GPR161: variants seen among roughly 807,000 people sequenced by gnomAD.
GPR161 encodes the protein G protein-coupled receptor 161.
In GPR161, 25 loss-of-function variants were observed where a neutral mutation model predicts 39.2. The ratio of observed to expected loss-of-function variants is 0.64; its 90% CI spans 0.47 to 0.89. GPR161 has a LOEUF of 0.89. Ranked by LOEUF, GPR161 falls within the 40% of genes least tolerant of loss-of-function variation. The pLI, the probability that GPR161 is intolerant of heterozygous loss-of-function variation, is 0.00. For missense variants in GPR161, 547 were observed against 677.8 expected (o/e 0.81, Z 2.14); for synonymous variants, 286 against 276.6 (o/e 1.03, Z -0.34).
chr1:168,136,543 AAG>A, intron 1 of GPR161, 194 bp downstream of exon 1: 1 of 1,218,220 alleles, frequency 8.2e-7, no homozygotes, highest in Non-Finnish European at 1.0e-6. Context: ...CAGCTCTCCA[AAG>A]CAAGGCGCAG....
At chr1:168,132,310 G>C (rs566749526) in intron 1 of GPR161, among the ~76,000 whole-genome samples, 13 of 151,032 alleles carry the variant, frequency 8.6e-5, no homozygotes, top group African/African-American at 2.4e-4. Context: ...TCTCCAAGCC[G>C]GGCGCTGTGG....
At chr1:168,110,367 G>GT (rs1271608137) in intron 1 of GPR161, among the ~76,000 whole-genome samples, 1 of 151,742 alleles carries the variant, frequency 6.6e-6, no homozygotes, top group East Asian at 1.9e-4. Context: ...TTGGTGGTGT[G>GT]TGCCTGTAGT....
chr1:168,085,135 G>C lies in GPR161; in HGVS notation c.*396C>G, dbSNP rs1323099593. 3 of 459,382 alleles carry C rather than the reference G, an allele frequency of 6.5e-6. No homozygotes were observed. Among genetic ancestry groups the C allele is most frequent in the Non-Finnish European group, 1.3e-5 (3 of 229,978 alleles). 28.5% of individuals were successfully genotyped at this position (459,382 alleles called of 1,614,324 possible). A position where few individuals can be genotyped will look rare whatever the true frequency, so the allele number is the denominator to read the frequency against. On this transcript the variant is annotated 3_prime_UTR_variant, in exon 6 of 6. Coordinates refer to ENST00000682931, the MANE Select transcript of GPR161 (RefSeq NM_001375883.1). ...TCCTGAGGCATCTGGCACAGTGCAC[G>C]GCTGGACTCCCAGCACACTGTGAAG...
At chr1:168,130,800 G>A (rs892444553) in intron 1 of GPR161, among the ~76,000 whole-genome samples, 4 of 152,048 alleles carry the variant, frequency 2.6e-5, no homozygotes, top group African/African-American at 9.7e-5. Context: ...TGTACAAAAT[G>A]GAATTCACAT....
chr1:168,085,359 T>C lies in GPR161; in HGVS notation c.*172A>G. On this transcript the variant is annotated 3_prime_UTR_variant, in exon 6 of 6. Transcript: ENST00000682931. ...CTGGAAATGCTGAAGCTGTGGACTG[T>C]AGACATTATTTTCAGTCCTTGTCCT... 1.6e-6 allele frequency: 1 copy of C among 626,478 alleles called. No homozygotes were observed. Among genetic ancestry groups the C allele is most frequent in the East Asian group, 2.7e-5 (1 of 36,754 alleles). 38.8% of individuals were successfully genotyped at this position (626,478 alleles called of 1,614,324 possible).
rs150446871 is a variant in GPR161 at position 168,084,945 on chromosome 1, G to C, written c.*586C>G. 6.3e-4 allele frequency: 286 copies of C among 456,290 alleles called. 1 individual carries two copies. Among genetic ancestry groups the C allele is most frequent in the African/African-American group, 5.4e-3 (271 of 50,190 alleles). 28.3% of individuals were successfully genotyped at this position (456,290 alleles called of 1,614,324 possible). A position where few individuals can be genotyped will look rare whatever the true frequency, so the allele number is the denominator to read the frequency against. On this transcript the variant is annotated 3_prime_UTR_variant, in exon 6 of 6. Coordinates refer to ENST00000682931, the MANE Select transcript of GPR161 (RefSeq NM_001375883.1). ...AGCACCAGCAGGTGGCGCCACTGAGGACCGCTCCGAAGCGCTCTGCTCCTG... is the reference window on the plus strand; with the variant it reads ...AGCACCAGCAGGTGGCGCCACTGAGCACCGCTCCGAAGCGCTCTGCTCCTG...
chr1:168,134,187 A>G (rs1276060368), intron 1 of GPR161, among the ~76,000 whole-genome samples: 1 of 152,186 alleles, frequency 6.6e-6, no homozygotes, highest in African/African-American at 2.4e-5. Flanking sequence ...TTGCTTGAGT[A>G]TAAAACAAAC....
At chr1:168,125,621 C>CT (rs1370299812) in intron 1 of GPR161, among the ~76,000 whole-genome samples, 2 of 137,516 alleles carry the variant, frequency 1.5e-5, no homozygotes, top group African/African-American at 6.2e-5. Flanking sequence ...TTGCTTCCCC[C>CT]CCCTTTTTTT....
Position 168,096,846 on chromosome 1 carries a change from T to C in GPR161, c.761A>G (p.Asn254Ser). Residue 254 changes from asparagine to serine, a missense_variant, in exon 3 of 6, where the codon AAT becomes AGT. Physicochemically the swap from Asn to Ser is conservative, Grantham distance 46 (BLOSUM62 1). Coordinates refer to ENST00000682931, the MANE Select transcript of GPR161 (RefSeq NM_001375883.1). ...CGAGTAGACCACACCCTGAAAGGCATTCCTCCTGCTGCCTGAAGAGGAGGT... is the reference window on the plus strand; with the variant it reads ...CGAGTAGACCACACCCTGAAAGGCACTCCTCCTGCTGCCTGAAGAGGAGGT... ...TSTSSSGSRR[N>S]AFQGVVYSAN... The C allele has an allele frequency of 6.2e-7, 1 of 1,614,120 alleles. No homozygotes were observed. The highest frequency in any genetic ancestry group is 8.5e-7 in the Non-Finnish European group (1 of 1,180,006).
At chr1:168,123,533 TACATACACAC>T (rs1344148516) in intron 1 of GPR161, among the ~76,000 whole-genome samples, 22 of 97,650 alleles carry the variant, frequency 2.3e-4, no homozygotes, top group African/African-American at 9.3e-4. Context: ...GATATGCACA[TACATACACAC>T]ACACACACAC....
intron 1 of GPR161, among the ~76,000 whole-genome samples, chr1:168,128,318 T>C (rs918654058): frequency 6.6e-6 from 1 of 152,160 alleles, no homozygotes; most frequent in Admixed American, 6.5e-5. Flanking sequence ...ATCCCCATTC[T>C]CCAGATCCCG....
chr1:168,092,106 T>A (rs977910581), intron 3 of GPR161, among the ~76,000 whole-genome samples: 3 of 152,204 alleles, frequency 2.0e-5, no homozygotes, highest in Non-Finnish European at 4.4e-5. Flanking sequence ...TTGGGAATCC[T>A]GCTTTTGCAA....
chr1:168,123,578 AC>A (rs1698368173), intron 1 of GPR161, among the ~76,000 whole-genome samples: 1 of 145,580 alleles, frequency 6.9e-6, no homozygotes, highest in African/African-American at 2.6e-5. Flanking sequence ...ACACACACAC[AC>A]TTGTTTGCAT....
chr1:168,119,535 G>A (rs1051038833), intron 1 of GPR161, among the ~76,000 whole-genome samples: 3 of 152,010 alleles, frequency 2.0e-5, no homozygotes, highest in South Asian at 2.1e-4. Context: ...AGTTTAATGA[G>A]AATAGGGTTT....
rs1195913818 is a variant in GPR161 at position 168,085,413 on chromosome 1, C to G, written c.*118G>C. 2.2e-6 allele frequency: 2 copies of G among 912,724 alleles called. No homozygotes were observed. Among genetic ancestry groups the G allele is most frequent in the Non-Finnish European group, 3.4e-6 (2 of 588,262 alleles). The allele number at this position is 912,724 out of a possible 1,614,324, so 56.5% of individuals were successfully genotyped here. On this transcript the variant is annotated 3_prime_UTR_variant, in exon 6 of 6. Transcript: ENST00000682931. Reference sequence around the variant, plus strand: ...GGCTGCATACCAGATGCTGCTCCTTCCCTGTGTGTGGCCAGCTGTACACAG... The same window carrying G: ...GGCTGCATACCAGATGCTGCTCCTTGCCTGTGTGTGGCCAGCTGTACACAG...
chr1:168,085,504 C>T lies in GPR161; in HGVS notation c.*27G>A. ...CTCCTCCCCGGGCCAGCCTCTCAGG[C>T]TGCAGCCCCACGGCACCCTGAGGCC... On this transcript the variant is annotated 3_prime_UTR_variant, in exon 6 of 6. Transcript: ENST00000682931. 1.1e-5 allele frequency: 17 copies of T among 1,593,876 alleles called. No individual in the cohort carries two copies. Among genetic ancestry groups the T allele is most frequent in the Non-Finnish European group, 1.4e-5 (16 of 1,166,176 alleles).
chr1:168,096,575 A>G lies in GPR161; in HGVS notation c.1032T>C (p.Tyr344=), dbSNP rs1310908929. The change falls in exon 3 of 6, where the codon TAT becomes TAC. Residue 344 remains tyrosine, a synonymous_variant. Coordinates refer to ENST00000682931, the MANE Select transcript of GPR161 (RefSeq NM_001375883.1). Reference sequence around the variant, plus strand: ...GTCGTTGCACAAATGGTTCCCGATAATACCGGTCCCCAAAGCACATGCCCA... The same window carrying G: ...GTCGTTGCACAAATGGTTCCCGATAGTACCGGTCCCCAAAGCACATGCCCA... ...ELLGMCFGDR[Y]YREPFVQRQR... The G allele has an allele frequency of 6.8e-6, 11 of 1,614,174 alleles. No individual in the cohort carries two copies. Among genetic ancestry groups the G allele is most frequent in the Admixed American group, 1.7e-5 (1 of 60,030 alleles).
chr1:168,112,492 A>AG (rs1697274772), intron 1 of GPR161, among the ~76,000 whole-genome samples: 1 of 149,188 alleles, frequency 6.7e-6, no homozygotes, highest in African/African-American at 2.5e-5. Context: ...AAAAAAAAAA[A>AG]AAAAAAAAAA....
Position 168,085,600 on chromosome 1 carries a change from A to G in GPR161, c.1521T>C (p.Thr507=). ...GCAACTGCAGCCTCTGGCTCACAAG[A>G]GTTCTGCTGCCTCGGCGGCCCCCGA... The part of the protein sequence containing the change: ...GGFGGRRGSR[T]LVSQRLQLQS... Residue 507 remains threonine, a synonymous_variant, in exon 6 of 6, where the codon ACT becomes ACC. Transcript: ENST00000682931. 1 of 1,614,048 alleles carries G rather than the reference A, an allele frequency of 6.2e-7. No individual in the cohort carries two copies. The highest frequency in any genetic ancestry group is 8.5e-7 in the Non-Finnish European group (1 of 1,180,002).
Sources: allele counts gnomAD v4.1 joint callset (sites outside exome capture counted in the v4.1 genomes callset), GRCh38; gene constraint gnomAD v4.1.1; transcripts MANE v1.5; gene names NCBI Gene and HGNC (gene_info 2026-07-23, HGNC 2026-07-21).